The following IPO9 variants were observed in gnomAD, a reference collection of about 807,000 sequenced individuals.
IPO9 encodes importin-9.
In IPO9, 28 loss-of-function variants were observed where a neutral mutation model predicts 128.6. The observed-to-expected ratio is 0.22, with a 90% CI of 0.16 to 0.30. IPO9 has a LOEUF of 0.30. Ranked by LOEUF, IPO9 falls within the 10% of genes least tolerant of loss-of-function variation. The pLI is 1.00. For missense variants in IPO9, 935 were observed against 1,293.9 expected (o/e 0.72, Z 4.26); for synonymous variants, 455 against 475.8 (o/e 0.96, Z 0.57).
In IPO9 at chr1:201,881,844, G is replaced by A. The variant is rs1680887892; in HGVS notation, c.*5790G>A. The A allele has an allele frequency of 1.3e-5, 2 of 152,286 alleles. No individual in the cohort carries two copies. Among genetic ancestry groups the A allele is most frequent in the African/African-American group, 4.8e-5 (2 of 41,474 alleles). 9.4% of individuals were successfully genotyped at this position (152,286 alleles called of 1,614,324 possible). A position where few individuals can be genotyped will look rare whatever the true frequency, so the allele number is the denominator to read the frequency against. On this transcript the variant is annotated 3_prime_UTR_variant, in exon 24 of 24. Transcript: ENST00000361565. ...AAAACCCAGAGCCTGAACTAAGGTT[G>A]TAACTAGAGGGGATAGGGTGGAAGA...
At chr1:201,867,910 C>T (rs1214074765) in intron 15 of IPO9, among the ~76,000 whole-genome samples, 1 of 152,144 alleles carries the variant, frequency 6.6e-6, no homozygotes, top group Non-Finnish European at 1.5e-5. Context: ...GGATATATCT[C>T]ATTCTTTTCA....
intron 17 of IPO9, 34 bp downstream of exon 17, chr1:201,869,752 T>C (rs369717168): frequency 1.3e-4 from 215 of 1,611,448 alleles, no homozygotes; most frequent in Non-Finnish European, 1.8e-4. Flanking sequence ...AGAGGGAAGA[T>C]AGCTCCCCAG....
At chr1:201,848,022 A>G (rs1680151354) in intron 3 of IPO9, among the ~76,000 whole-genome samples, 1 of 152,198 alleles carries the variant, frequency 6.6e-6, no homozygotes, top group Admixed American at 6.5e-5. Context: ...TAAGGTCTGG[A>G]GGAATGTTTT....
intron 1 of IPO9, among the ~76,000 whole-genome samples, chr1:201,832,611 T>C (rs913400518): frequency 3.3e-5 from 5 of 152,206 alleles, no homozygotes; most frequent in African/African-American, 1.2e-4. Context: ...TTGGTGTCTA[T>C]TATTATTTGT....
chr1:201,860,145 A>C (rs756180996), intron 13 of IPO9, among the ~76,000 whole-genome samples: 2 of 152,114 alleles, frequency 1.3e-5, no homozygotes, highest in Non-Finnish European at 2.9e-5. Flanking sequence ...CTCAGTACTT[A>C]AATCATGGAA....
intron 13 of IPO9, 59 bp from the exon 14 acceptor site, chr1:201,863,385 GAGAA>G (rs763769526): frequency 2.0e-6 from 3 of 1,470,624 alleles, no homozygotes; most frequent in Admixed American, 2.0e-5. Flanking sequence ...ATGTGGGAAA[GAGAA>G]AGAACAAGTA....
intron 1 of IPO9, among the ~76,000 whole-genome samples, chr1:201,838,882 T>C (rs891841414): frequency 6.6e-6 from 1 of 151,658 alleles, no homozygotes; most frequent in African/African-American, 2.4e-5. Context: ...AACAAAAAAG[T>C]AAATGCTTAG....
chr1:201,868,871 C>A, intron 16 of IPO9, 75 bp downstream of exon 16: 9 of 1,481,820 alleles, frequency 6.1e-6, no homozygotes, highest in East Asian at 2.4e-5. Context: ...ATCTAGCTGA[C>A]AAGAACCTAA....
At chr1:201,849,041 A>G (rs987472708) in intron 4 of IPO9, among the ~76,000 whole-genome samples, 1 of 152,202 alleles carries the variant, frequency 6.6e-6, no homozygotes, top group Admixed American at 6.5e-5. Context: ...CATTATTACT[A>G]TATATTATTT....
At chr1:201,863,648 C>T in intron 14 of IPO9, 41 bp downstream of exon 14, 1 of 1,534,660 alleles carries the variant, frequency 6.5e-7, no homozygotes, top group Non-Finnish European at 8.9e-7. Flanking sequence ...GGGAAAGTTG[C>T]TCAGGTTAGA....
At chr1:201,873,712 A>C (rs1186674806) in intron 20 of IPO9, among the ~76,000 whole-genome samples, 5 of 152,058 alleles carry the variant, frequency 3.3e-5, no homozygotes, top group Non-Finnish European at 7.4e-5. Context: ...ACGCCATTGC[A>C]CTCCAGCCTG....
intron 1 of IPO9, among the ~76,000 whole-genome samples, chr1:201,835,565 G>T (rs1432117000): frequency 6.6e-6 from 1 of 152,224 alleles, no homozygotes; most frequent in African/African-American, 2.4e-5. Context: ...TTCACCATGG[G>T]AAAGGGAACT....
intron 14 of IPO9, among the ~76,000 whole-genome samples, chr1:201,863,911 A>G (rs1471623208): frequency 2.6e-5 from 4 of 152,230 alleles, no homozygotes; most frequent in African/African-American, 7.2e-5. Flanking sequence ...TGTTTTGCAC[A>G]GGGTTGCACA....
intron 1 of IPO9, among the ~76,000 whole-genome samples, chr1:201,845,377 A>C (rs555946526): frequency 6.6e-6 from 1 of 152,134 alleles, no homozygotes; most frequent in Non-Finnish European, 1.5e-5. Flanking sequence ...AAACTTACCT[A>C]ATGACAGGCA....
chr1:201,843,728 T>C (rs1390683655), intron 1 of IPO9, among the ~76,000 whole-genome samples: 1 of 150,928 alleles, frequency 6.6e-6, no homozygotes. Context: ...TTCCAGAGGC[T>C]GAGGCACAAG....
intron 1 of IPO9, among the ~76,000 whole-genome samples, chr1:201,833,239 T>G (rs543121437): frequency 1.4e-5 from 2 of 147,978 alleles, no homozygotes; most frequent in African/African-American, 5.3e-5. Flanking sequence ...TTTTTTTTTT[T>G]TTTTAATTTT....
chr1:201,859,180 A>AATAAATATATATATATATATATATATAT lies in IPO9; in HGVS notation c.1468+189_1468+190insAATATATATATATATATATATATATATA, dbSNP rs371428335. Reference sequence around the variant, plus strand: ...ACATGTACCCTAGAACTCAAAGTATAATATATATATATATATATATATATA... The same window carrying AATAAATATATATATATATATATATATAT: ...ACATGTACCCTAGAACTCAAAGTATAATAAATATATATATATATATATATATATATATATATATATATATATATATATA... On this transcript the variant is annotated intron_variant, in intron 13 of 23. Coordinates refer to ENST00000361565, the MANE Select transcript of IPO9 (RefSeq NM_018085.5). 3.0e-3 allele frequency among the ~76,000 whole-genome samples: 249 copies of AATAAATATATATATATATATATATATAT among 83,192 alleles called. 23 individuals are homozygous for AATAAATATATATATATATATATATATAT. Among genetic ancestry groups the AATAAATATATATATATATATATATATAT allele is most frequent in the Non-Finnish European group, 3.6e-3 (140 of 39,194 alleles). 54.6% of individuals were successfully genotyped at this position (83,192 alleles called of 152,430 possible).
rs1213698561 is a variant in IPO9 at position 201,878,056 on chromosome 1, G to A, written c.*2002G>A. 1 of 152,232 alleles carries A rather than the reference G, an allele frequency of 6.6e-6. No homozygotes were observed. Among genetic ancestry groups the A allele is most frequent in the African/African-American group, 2.4e-5 (1 of 41,458 alleles). 9.4% of individuals were successfully genotyped at this position (152,232 alleles called of 1,614,324 possible). A position where few individuals can be genotyped will look rare whatever the true frequency, so the allele number is the denominator to read the frequency against. ...CCCAGTGTTCAACCTCCATGACTGAGATTGGAAGAAGTAGAGTTAAAAGTT... is the reference window on the plus strand; with the variant it reads ...CCCAGTGTTCAACCTCCATGACTGAAATTGGAAGAAGTAGAGTTAAAAGTT... On this transcript the variant is annotated 3_prime_UTR_variant, in exon 24 of 24. Transcript: ENST00000361565.
chr1:201,875,314 G>C, intron 23 of IPO9, 86 bp downstream of exon 23: 2 of 1,204,812 alleles, frequency 1.7e-6, no homozygotes, highest in South Asian at 2.4e-5. Context: ...TTATAGCCAG[G>C]CATGGTGGCT....
Sources: gnomAD v4.1 joint callset for allele counts (sites outside exome capture counted in the v4.1 genomes callset) on GRCh38, gnomAD v4.1.1 for gene constraint, MANE v1.5 for transcripts, NCBI Gene and HGNC (gene_info 2026-07-23, HGNC 2026-07-21) for gene names.